KCNJ6: variants seen among roughly 807,000 people sequenced by gnomAD.
KCNJ6 encodes the protein potassium inwardly rectifying channel subfamily J member 6.
A neutral mutation model predicts 34.2 loss-of-function variants in KCNJ6; 9 were observed. The observed-to-expected ratio is 0.26, with a 90% confidence interval of 0.16 to 0.46. The LOEUF is 0.46. KCNJ6 is among the 20% of genes least tolerant of loss of function. The pLI is 1.00. For missense variants in KCNJ6, 236 were observed against 531.3 expected (o/e 0.44, Z 5.46); for synonymous variants, 196 against 207.1 (o/e 0.95, Z 0.46).
At chr21:37,820,757 T>TA (rs1399809762) in intron 2 of KCNJ6, among the ~76,000 whole-genome samples, 2 of 152,234 alleles carry the variant, frequency 1.3e-5, no homozygotes, top group Non-Finnish European at 2.9e-5. Context: ...GAAAGCTTAT[T>TA]ATTATTTTAT....
chr21:37,794,782 G>A (rs2055233199), intron 2 of KCNJ6, among the ~76,000 whole-genome samples: 2 of 151,776 alleles, frequency 1.3e-5, no homozygotes, highest in South Asian at 4.2e-4. Context: ...ATGCATGTGG[G>A]GCTTAAAACC....
intron 2 of KCNJ6, among the ~76,000 whole-genome samples, chr21:37,783,294 A>G (rs2055178205): frequency 6.6e-6 from 1 of 152,182 alleles, no homozygotes; most frequent in African/African-American, 2.4e-5. Context: ...CTCATCTTGA[A>G]TTGTACTCCC....
At chr21:37,843,073 A>G (rs1023376320) in intron 1 of KCNJ6, among the ~76,000 whole-genome samples, 3 of 151,824 alleles carry the variant, frequency 2.0e-5, no homozygotes, top group African/African-American at 7.3e-5. Flanking sequence ...GAACCCCCCA[A>G]CGCCAAACCA....
chr21:37,628,639 G>C (rs927151580), intron 3 of KCNJ6, among the ~76,000 whole-genome samples: 1 of 152,138 alleles, frequency 6.6e-6, no homozygotes, highest in Non-Finnish European at 1.5e-5. Flanking sequence ...GTAATGACTG[G>C]AAAGTCTTTA....
intron 3 of KCNJ6, among the ~76,000 whole-genome samples, chr21:37,662,608 C>T (rs917307070): frequency 2.6e-5 from 4 of 152,128 alleles, no homozygotes; most frequent in Admixed American, 6.5e-5. Flanking sequence ...GATTTATATT[C>T]CTTTAGGTAT....
chr21:37,733,219 C>A lies in KCNJ6; in HGVS notation c.26-18088G>T, dbSNP rs2054895088. Among the ~76,000 whole-genome samples the A allele has an allele frequency of 2.6e-5, 4 of 152,192 alleles. No homozygotes were observed. The South Asian group carries it at 6.2e-4, about 24-fold the overall frequency. On this transcript the variant is annotated intron_variant, in intron 2 of 3. Coordinates refer to ENST00000609713, the MANE Select transcript of KCNJ6 (RefSeq NM_002240.5). Reference sequence around the variant, plus strand: ...TTCCTGCATCAATAAAATAGAATTACTTTTACTTAAACGTGGCTTAAATTC... The same window carrying A: ...TTCCTGCATCAATAAAATAGAATTAATTTTACTTAAACGTGGCTTAAATTC...
At chr21:37,818,327 C>G (rs2055357654) in intron 2 of KCNJ6, among the ~76,000 whole-genome samples, 1 of 152,078 alleles carries the variant, frequency 6.6e-6, no homozygotes, top group South Asian at 2.1e-4. Context: ...AAACCAACCT[C>G]TCAATCCATC....
intron 1 of KCNJ6, among the ~76,000 whole-genome samples, chr21:37,896,790 C>A (rs1484969730): frequency 6.6e-6 from 1 of 152,114 alleles, no homozygotes; most frequent in Non-Finnish European, 1.5e-5. Context: ...GAGAAGACAC[C>A]CGGGCCCCAG....
rs569006409 is a variant in KCNJ6 at position 37,681,609 on chromosome 21, T to C, written c.946+32602A>G. ...GATCTGTCTTGAGGGAGTTGCTTCT[T>C]AGAAATTTCTGTACTGAGTCAGATT... is the stretch of plus-strand genomic sequence containing the variant. On this transcript the variant is annotated intron_variant, in intron 3 of 3. Transcript: ENST00000609713. Among the ~76,000 whole-genome samples, 3 of 152,356 alleles carry C rather than the reference T, an allele frequency of 2.0e-5. No homozygotes were observed. In the East Asian group the frequency reaches 5.8e-4, roughly 29 times the overall value.
intron 3 of KCNJ6, among the ~76,000 whole-genome samples, chr21:37,683,717 A>C (rs2054600020): frequency 6.6e-6 from 1 of 152,224 alleles, no homozygotes; most frequent in Non-Finnish European, 1.5e-5. Flanking sequence ...TGAGATGCAC[A>C]GAGTTCCGGT....
chr21:37,648,831 C>T (rs1211273472), intron 3 of KCNJ6, among the ~76,000 whole-genome samples: 2 of 152,096 alleles, frequency 1.3e-5, no homozygotes, highest in East Asian at 1.9e-4. Context: ...AATCAGGTCA[C>T]CTACAGAAAG....
At chr21:37,755,589 A>C (rs1231457146) in intron 2 of KCNJ6, among the ~76,000 whole-genome samples, 2 of 152,236 alleles carry the variant, frequency 1.3e-5, no homozygotes, top group Non-Finnish European at 2.9e-5. Flanking sequence ...CAACTGAAGG[A>C]AGAGAGGAGC....
rs186929429 is a variant in KCNJ6, at chr21:37,619,240, C to T, written c.*5919G>A. The T allele has an allele frequency of 8.3e-4, 126 of 152,264 alleles. No homozygotes were observed. The highest frequency in any genetic ancestry group is 2.8e-3 in the African/African-American group (115 of 41,540). The allele number at this position is 152,264 out of a possible 1,614,324, so 9.4% of individuals were successfully genotyped here. A position where few individuals can be genotyped will look rare whatever the true frequency, so the allele number is the denominator to read the frequency against. ...ACCTAGCTTGGCTGACTACCTCTGGCATTAGAAATGCTTCCTTAGAAGACA... is the reference window on the plus strand; with the variant it reads ...ACCTAGCTTGGCTGACTACCTCTGGTATTAGAAATGCTTCCTTAGAAGACA... On this transcript the variant is annotated 3_prime_UTR_variant, in exon 4 of 4. Coordinates refer to ENST00000609713, the MANE Select transcript of KCNJ6 (RefSeq NM_002240.5).
chr21:37,849,720 C>T (rs934101973), intron 1 of KCNJ6, among the ~76,000 whole-genome samples: 2 of 152,180 alleles, frequency 1.3e-5, no homozygotes, highest in African/African-American at 2.4e-5. Flanking sequence ...GTTTCACTTC[C>T]GTTTGACATT....
intron 1 of KCNJ6, among the ~76,000 whole-genome samples, chr21:37,913,753 G>T (rs138751326): frequency 0.021 from 3,231 of 152,260 alleles, 110 homozygotes; most frequent in African/African-American, 0.075. Context: ...GGGACGCAGA[G>T]GTTGCAGTGA....
At chr21:37,896,865 C>A (rs1039682468) in intron 1 of KCNJ6, among the ~76,000 whole-genome samples, 2 of 152,148 alleles carry the variant, frequency 1.3e-5, no homozygotes, top group African/African-American at 4.8e-5. Flanking sequence ...GCTGACAGTG[C>A]CTGGAGCTCA....
At chr21:37,823,623 C>T (rs1426008633) in intron 2 of KCNJ6, among the ~76,000 whole-genome samples, 1 of 152,170 alleles carries the variant, frequency 6.6e-6, no homozygotes, top group South Asian at 2.1e-4. Flanking sequence ...TCTCTCCTGC[C>T]GCCATGTGAA....
intron 1 of KCNJ6, among the ~76,000 whole-genome samples, chr21:37,876,337 C>T (rs931271906): frequency 2.0e-5 from 3 of 152,054 alleles, no homozygotes; most frequent in Non-Finnish European, 4.4e-5. Context: ...AAAAGTCACC[C>T]AATTAACAAA....
At chr21:37,656,910 G>T (rs1569439402) in intron 3 of KCNJ6, among the ~76,000 whole-genome samples, 1 of 152,162 alleles carries the variant, frequency 6.6e-6, no homozygotes, top group Non-Finnish European at 1.5e-5. Context: ...CCAGCGCCAG[G>T]GTACTCAATG....
Sources: gnomAD v4.1 joint callset for allele counts (sites outside exome capture counted in the v4.1 genomes callset) on GRCh38, gnomAD v4.1.1 for gene constraint, MANE v1.5 for transcripts, NCBI Gene and HGNC (gene_info 2026-07-23, HGNC 2026-07-21) for gene names.